DLGAP2: variants seen among roughly 807,000 people sequenced by gnomAD.
DLGAP2 encodes the protein DLG associated protein 2.
DLGAP2 carries 26 observed loss-of-function variants against 100.3 expected under a neutral mutation model. The observed-to-expected ratio is 0.26, with a 90% confidence interval of 0.19 to 0.36. The LOEUF is 0.36. DLGAP2 is among the 10% of genes least tolerant of loss of function. The probability of loss-of-function intolerance (pLI) is 1.00; values close to 1 mark genes in which losing one functional copy is unlikely to be tolerated. For synonymous variants in DLGAP2, 886 were observed against 630.1 expected (o/e 1.41, Z -6.08); for missense variants, 1,858 against 1,453.2 (o/e 1.28, Z -4.53).
chr8:1,385,837 A>G (rs111927965), intron 3 of DLGAP2, among the ~76,000 whole-genome samples: 17 of 104,760 alleles, frequency 1.6e-4, no homozygotes, highest in East Asian at 6.9e-4. Context: ...ACCCCGGCCT[A>G]TGCCTGTCCC....
At chr8:1,012,977 G>A (rs1801341721) in intron 2 of DLGAP2, among the ~76,000 whole-genome samples, 1 of 152,178 alleles carries the variant, frequency 6.6e-6, no homozygotes, top group Admixed American at 6.5e-5. Flanking sequence ...TGTGGCTTCA[G>A]TTTTGCAGAT....
At chr8:828,540 C>G (rs1563052928) in intron 1 of DLGAP2, among the ~76,000 whole-genome samples, 1 of 152,110 alleles carries the variant, frequency 6.6e-6, no homozygotes, top group Non-Finnish European at 1.5e-5. Context: ...TTCAGGGTGC[C>G]CACATTTCAT....
chr8:1,537,855 A>G (rs1801209501), intron 4 of DLGAP2, among the ~76,000 whole-genome samples: 1 of 152,246 alleles, frequency 6.6e-6, no homozygotes, highest in Non-Finnish European at 1.5e-5. Context: ...TAATATTCAG[A>G]GAAAAGAGAG....
At chr8:976,463 T>G (rs1337614144) in intron 2 of DLGAP2, among the ~76,000 whole-genome samples, 1 of 151,964 alleles carries the variant, frequency 6.6e-6, no homozygotes, top group African/African-American at 2.4e-5. Context: ...TACAAAAAAA[T>G]TAGCTGGGCG....
chr8:1,585,959 C>A (rs922888242), intron 6 of DLGAP2, among the ~76,000 whole-genome samples: 1 of 152,182 alleles, frequency 6.6e-6, no homozygotes, highest in African/African-American at 2.4e-5. Context: ...CACATATGGG[C>A]GTAGTTTACA....
intron 1 of DLGAP2, chr8:738,809 G>A (rs1820399424): frequency 6.6e-6 from 1 of 152,606 alleles, no homozygotes; most frequent in Non-Finnish European, 1.5e-5. Context: ...GGGGCCTGGA[G>A]GAGAGATAGC....
rs1026461556 is a variant in DLGAP2, at chr8:1,497,156, C to G, written c.107-4210C>G. Among the ~76,000 whole-genome samples, 6 of 152,264 alleles carry G rather than the reference C, an allele frequency of 3.9e-5. No homozygotes were observed. In the East Asian group the frequency reaches 5.8e-4, roughly 15 times the overall value. ...GTTGCCGCGGTGAAAGACTGTTTCT[C>G]CAGTGAAGACAGATGTGCATTCCCA... On this transcript the variant is annotated intron_variant, in intron 3 of 14. Coordinates refer to ENST00000637795, the MANE Select transcript of DLGAP2 (RefSeq NM_001346810.2).
intron 2 of DLGAP2, among the ~76,000 whole-genome samples, chr8:1,190,500 C>G (rs1347264880): frequency 6.6e-6 from 1 of 152,158 alleles, no homozygotes. Context: ...CCGGCAGCAT[C>G]TCATGCAGGA....
At chr8:1,124,944 C>G (rs1796131739) in intron 2 of DLGAP2, among the ~76,000 whole-genome samples, 1 of 152,188 alleles carries the variant, frequency 6.6e-6, no homozygotes, top group Non-Finnish European at 1.5e-5. Context: ...GAGGCATCGT[C>G]CCCCTCATCG....
At chr8:952,580 T>C (rs1799506715) in intron 2 of DLGAP2, among the ~76,000 whole-genome samples, 1 of 152,032 alleles carries the variant, frequency 6.6e-6, no homozygotes, top group Non-Finnish European at 1.5e-5. Context: ...GAAGCTGCAG[T>C]GAGCTGAGAT....
chr8:1,327,184 G>C (rs1415052188), intron 3 of DLGAP2, among the ~76,000 whole-genome samples: 1 of 152,216 alleles, frequency 6.6e-6, no homozygotes, highest in Non-Finnish European at 1.5e-5. Context: ...TCACCATTTA[G>C]GACGTTAACA....
intron 4 of DLGAP2, among the ~76,000 whole-genome samples, chr8:1,518,303 C>A (rs140766690): frequency 3.4e-4 from 52 of 152,300 alleles, no homozygotes; most frequent in Non-Finnish European, 2.9e-5. Context: ...TCTGCCAGGA[C>A]ACAGCACATT....
intron 8 of DLGAP2, among the ~76,000 whole-genome samples, chr8:1,662,932 TGTG>T (rs1331291087): frequency 1.5e-5 from 2 of 136,018 alleles, no homozygotes; most frequent in African/African-American, 5.8e-5. Context: ...GTACACGTAG[TGTG>T]GGGTGTGTGT....
intron 4 of DLGAP2, among the ~76,000 whole-genome samples, chr8:1,522,395 G>C (rs1057229072): frequency 1.3e-5 from 2 of 152,198 alleles, no homozygotes; most frequent in East Asian, 1.9e-4. Flanking sequence ...CCGGGGCCCA[G>C]GGCATCACAC....
chr8:943,973 C>A (rs1178522740), intron 2 of DLGAP2, among the ~76,000 whole-genome samples: 1 of 152,228 alleles, frequency 6.6e-6, no homozygotes, highest in Non-Finnish European at 1.5e-5. Flanking sequence ...ACATCAAGAT[C>A]TCCCTGCAGA....
At chr8:1,080,579 G>C (rs1039928356) in intron 2 of DLGAP2, among the ~76,000 whole-genome samples, 1 of 152,164 alleles carries the variant, frequency 6.6e-6, no homozygotes. Flanking sequence ...AAAGCTGCAG[G>C]GACACAGAGC....
chr8:1,530,979 T>C (rs1345673948), intron 4 of DLGAP2, among the ~76,000 whole-genome samples: 2 of 152,254 alleles, frequency 1.3e-5, no homozygotes, highest in African/African-American at 4.8e-5. Flanking sequence ...GGATTCCATA[T>C]ATAAATGGTT....
In DLGAP2 at chr8:1,372,598, A is replaced by T. The variant is rs1017386330; in HGVS notation, c.106+113715A>T. ...GCTAGATGCCAGGAGCTCTTTGTGA[A>T]AGAGGTGCAAAGACTTTAAGCCGCT... On this transcript the variant is annotated intron_variant, in intron 3 of 14. Coordinates refer to ENST00000637795, the MANE Select transcript of DLGAP2 (RefSeq NM_001346810.2). Among the ~76,000 whole-genome samples the T allele has an allele frequency of 3.3e-5, 5 of 152,126 alleles. No individual in the cohort carries two copies. In the East Asian group the frequency reaches 9.7e-4, roughly 29 times the overall value.
intron 2 of DLGAP2, among the ~76,000 whole-genome samples, chr8:1,117,786 C>G (rs1474178425): frequency 6.6e-6 from 1 of 152,190 alleles, no homozygotes; most frequent in South Asian, 2.1e-4. Context: ...CACAGAATCA[C>G]CTGCGCATTC....
Sources: gnomAD v4.1 joint callset for allele counts (sites outside exome capture counted in the v4.1 genomes callset) on GRCh38, gnomAD v4.1.1 for gene constraint, MANE v1.5 for transcripts, NCBI Gene and HGNC (gene_info 2026-07-23, HGNC 2026-07-21) for gene names.